The following LIN7A variants were observed in gnomAD, a reference collection of about 807,000 sequenced individuals.
The protein encoded by LIN7A is protein lin-7 homolog A.
Under a neutral mutation model 29.8 loss-of-function variants are expected in LIN7A, and 25 were observed. The observed-to-expected ratio is 0.84, with a 90% CI of 0.61 to 1.17. The LOEUF is 1.17. Ranked by LOEUF, LIN7A falls within the 50% of genes most tolerant of loss-of-function variation. The probability of loss-of-function intolerance (pLI) is 0.00; values close to 1 mark genes in which losing one functional copy is unlikely to be tolerated. For synonymous variants in LIN7A, 118 were observed against 107.5 expected, an observed-to-expected ratio of 1.10 and a Z score of -0.60; for missense variants, 239 against 287.0, an observed-to-expected ratio of 0.83 and a Z score of 1.21.
At chr12:80,809,580 C>T (rs566469624) in intron 5 of LIN7A, among the ~76,000 whole-genome samples, 1 of 152,304 alleles carries the variant, frequency 6.6e-6, no homozygotes, top group East Asian at 1.9e-4. Flanking sequence ...TCTGTAAATG[C>T]AGTCATGGGA....
At chr12:80,831,799 A>G (rs1196652944) in intron 4 of LIN7A, among the ~76,000 whole-genome samples, 1 of 152,190 alleles carries the variant, frequency 6.6e-6, no homozygotes. Flanking sequence ...CTAAATTGCT[A>G]TAACATGGGC....
At chr12:80,901,475 C>T (rs1280887072) in intron 1 of LIN7A, among the ~76,000 whole-genome samples, 1 of 152,078 alleles carries the variant, frequency 6.6e-6, no homozygotes, top group African/African-American at 2.4e-5. Flanking sequence ...TAACTTAGTA[C>T]ATAAAAAACA....
At chr12:80,798,454 A>G (rs1459990089) in intron 5 of LIN7A, among the ~76,000 whole-genome samples, 2 of 152,212 alleles carry the variant, frequency 1.3e-5, no homozygotes, top group Non-Finnish European at 2.9e-5. Context: ...GTCATGCTTT[A>G]AAGAGATGTG....
chr12:80,897,810 AT>A (rs147884189), intron 1 of LIN7A, among the ~76,000 whole-genome samples: 25 of 152,146 alleles, frequency 1.6e-4, no homozygotes, highest in African/African-American at 5.8e-4. Context: ...CTCAAAAAAA[AT>A]AAAAAAAATT....
intron 4 of LIN7A, among the ~76,000 whole-genome samples, chr12:80,818,577 T>C (rs752336692): frequency 2.6e-5 from 4 of 152,210 alleles, no homozygotes; most frequent in Non-Finnish European, 5.9e-5. Context: ...AAGTATCACA[T>C]TGGCAGTTTT....
intron 2 of LIN7A, among the ~76,000 whole-genome samples, chr12:80,854,886 A>G (rs1873520775): frequency 6.6e-6 from 1 of 152,232 alleles, no homozygotes; most frequent in Admixed American, 6.5e-5. Flanking sequence ...AAGGGTTTGA[A>G]ACATAAAGAC....
At chr12:80,881,629 T>TTA (rs10557270) in intron 2 of LIN7A, among the ~76,000 whole-genome samples, 28 of 150,566 alleles carry the variant, frequency 1.9e-4, no homozygotes, top group African/African-American at 6.3e-4. Flanking sequence ...TAAAGCTAAG[T>TTA]TATATATATA....
chr12:80,812,450 T>TAA (rs199686456), intron 4 of LIN7A, among the ~76,000 whole-genome samples: 15 of 131,502 alleles, frequency 1.1e-4, no homozygotes, highest in Non-Finnish European at 1.1e-4. Flanking sequence ...TCAAACACTG[T>TAA]AAAAAAAAAA....
At chr12:80,819,589 T>TATA (rs1226440309) in intron 4 of LIN7A, among the ~76,000 whole-genome samples, 7 of 152,182 alleles carry the variant, frequency 4.6e-5, no homozygotes, top group Non-Finnish European at 8.8e-5. Flanking sequence ...CAATATAAAA[T>TATA]ATAAAGTCTT....
intron 1 of LIN7A, among the ~76,000 whole-genome samples, chr12:80,906,712 C>T (rs913330589): frequency 6.6e-6 from 1 of 151,998 alleles, no homozygotes; most frequent in Non-Finnish European, 1.5e-5. Context: ...AACCACCTAT[C>T]GGGTACCATG....
At chr12:80,802,863 T>G (rs1382318157) in intron 5 of LIN7A, among the ~76,000 whole-genome samples, 2 of 152,154 alleles carry the variant, frequency 1.3e-5, no homozygotes, top group East Asian at 3.9e-4. Context: ...TCACTGTGGT[T>G]TTAATTTGCA....
At chr12:80,911,459 G>A (rs1377309696) in intron 1 of LIN7A, among the ~76,000 whole-genome samples, 2 of 151,646 alleles carry the variant, frequency 1.3e-5, no homozygotes, top group East Asian at 1.9e-4. Context: ...CTAAGCATAA[G>A]GGATTAATTT....
intron 4 of LIN7A, among the ~76,000 whole-genome samples, chr12:80,831,917 A>T (rs1480584804): frequency 6.6e-6 from 1 of 152,206 alleles, no homozygotes; most frequent in Non-Finnish European, 1.5e-5. Context: ...CACAAAAATA[A>T]GGGGAATTTC....
intron 1 of LIN7A, among the ~76,000 whole-genome samples, chr12:80,926,017 C>T (rs1055608439): frequency 1.3e-5 from 2 of 152,210 alleles, no homozygotes; most frequent in Admixed American, 6.5e-5. Context: ...CTTTCCTCTT[C>T]TCAAAGTGTT....
chr12:80,878,440 A>C (rs1874832798), intron 2 of LIN7A, among the ~76,000 whole-genome samples: 1 of 152,166 alleles, frequency 6.6e-6, no homozygotes, highest in African/African-American at 2.4e-5. Flanking sequence ...GTGTGTCTGG[A>C]GTTTGTTCCT....
chr12:80,827,096 A>G (rs899810217), intron 4 of LIN7A, among the ~76,000 whole-genome samples: 1 of 152,166 alleles, frequency 6.6e-6, no homozygotes, highest in Non-Finnish European at 1.5e-5. Context: ...CATTAATAAC[A>G]TCTCCTTCAG....
chr12:80,929,039 G>A (rs1046565916), intron 1 of LIN7A, among the ~76,000 whole-genome samples: 1 of 152,076 alleles, frequency 6.6e-6, no homozygotes, highest in Non-Finnish European at 1.5e-5. Context: ...TTTCCAGAGA[G>A]TTTTTATAAT....
chr12:80,897,716 A>G (rs920094257), intron 1 of LIN7A, among the ~76,000 whole-genome samples: 3 of 152,076 alleles, frequency 2.0e-5, no homozygotes, highest in African/African-American at 7.3e-5. Flanking sequence ...GAGGAGGAAG[A>G]ATCACCTGAA....
At chr12:80,878,436 C>T (rs73143092) in intron 2 of LIN7A, among the ~76,000 whole-genome samples, 2,618 of 152,266 alleles carry the variant, frequency 0.017, 48 homozygotes, top group Admixed American at 0.035. Flanking sequence ...ACAAGTGTGT[C>T]TGGAGTTTGT....
Sources: gnomAD v4.1 joint callset for allele counts (sites outside exome capture counted in the v4.1 genomes callset) on GRCh38, gnomAD v4.1.1 for gene constraint, MANE v1.5 for transcripts, NCBI Gene and HGNC (gene_info 2026-07-23, HGNC 2026-07-21) for gene names.